Variants in PLD1 observed in about 807,000 individuals in gnomAD.
PLD1 encodes the protein phospholipase D1, also known as choline phosphatase 1.
A neutral mutation model predicts 137.1 loss-of-function variants in PLD1; 112 were observed. That is an observed-to-expected ratio of 0.82 (90% CI 0.70 to 0.96). The LOEUF is 0.96. PLD1 is among the 40% of genes least tolerant of loss of function. PLD1 has a pLI of 0.00. For missense variants in PLD1, 1,321 were observed against 1,342.0 expected, an observed-to-expected ratio of 0.98 and a Z score of 0.24; for synonymous variants, 431 against 454.7, an observed-to-expected ratio of 0.95 and a Z score of 0.66.
intron 12 of PLD1, 146 bp downstream of exon 12, chr3:171,699,599 A>C: frequency 1.5e-6 from 1 of 654,486 alleles, no homozygotes; most frequent in South Asian, 2.0e-5. Flanking sequence ...AATAGAACCA[A>C]ATGAACTGGA....
Position 171,737,587 on chromosome 3 carries a change from C to T in PLD1, c.233G>A (p.Gly78Asp), listed in dbSNP as rs771939485. The stretch of plus-strand genomic sequence containing the variant: ...CAGAACTTGTGCTTTTATTGGACAG[C>T]CGGAGAGATACGTCTGTATATTAGG... ...KEPNIQTYLSGCPIKAQVLEV... is the reference protein window; with the variant it reads ...KEPNIQTYLSDCPIKAQVLEV... Residue 78 changes from glycine to aspartate, a missense_variant, in exon 3 of 27, where the codon GGC becomes GAC. Physicochemically the swap from Gly to Asp is moderately conservative, Grantham distance 94. Transcript: ENST00000351298. The T allele has an allele frequency of 6.2e-7, 1 of 1,611,408 alleles. No homozygotes were observed. The highest frequency in any genetic ancestry group is 1.1e-5 in the South Asian group (1 of 90,888).
chr3:171,709,388 G>A (rs1716962136), intron 10 of PLD1, among the ~76,000 whole-genome samples, 172 bp downstream of exon 10: 1 of 152,112 alleles, frequency 6.6e-6, no homozygotes, highest in Non-Finnish European at 1.5e-5. Context: ...AGCAACAATT[G>A]AAAAACTAAT....
chr3:171,689,779 T>C (rs4894492), intron 13 of PLD1, among the ~76,000 whole-genome samples: 76,257 of 151,864 alleles, frequency 0.5, 20,097 homozygotes, highest in African/African-American at 0.66. Flanking sequence ...TGGGACTACA[T>C]GCATGAGCCA....
chr3:171,734,676 G>A (rs1282888045), intron 5 of PLD1, among the ~76,000 whole-genome samples, 189 bp downstream of exon 5: 1 of 152,164 alleles, frequency 6.6e-6, no homozygotes, highest in Non-Finnish European at 1.5e-5. Flanking sequence ...CCTCTTCTGA[G>A]AAAATGCACT....
chr3:171,650,165 T>C (rs1736603356), intron 21 of PLD1, among the ~76,000 whole-genome samples: 2 of 152,076 alleles, frequency 1.3e-5, no homozygotes, highest in Admixed American at 6.5e-5. Context: ...TTCTCTAAGC[T>C]GAGGCAGGAG....
At chr3:171,699,707 T>TA (rs746572937) in intron 12 of PLD1, 38 bp downstream of exon 12, 3 of 1,432,002 alleles carry the variant, frequency 2.1e-6, no homozygotes, top group Non-Finnish European at 2.9e-6. Context: ...AACAGACAGT[T>TA]AAAAAATTAT....
intron 6 of PLD1, among the ~76,000 whole-genome samples, chr3:171,729,579 G>A (rs942048135): frequency 6.6e-6 from 1 of 152,138 alleles, no homozygotes; most frequent in African/African-American, 2.4e-5. Context: ...ATACAAGGAA[G>A]GTAAGAGCAT....
rs542846065 is a variant in PLD1 at position 171,801,204 on chromosome 3, G to A, written c.-32+9195C>T. Among the ~76,000 whole-genome samples the A allele has an allele frequency of 2.0e-5, 3 of 152,320 alleles. No homozygotes were observed. The East Asian group carries it at 5.8e-4, about 29-fold the overall frequency. ...GACTCACTAGCCTAGGCCTAGTACT[G>A]TGTTAGCACCAAAAAGACTCTGTGC... On this transcript the variant is annotated intron_variant, in intron 1 of 26. Coordinates refer to ENST00000351298, the MANE Select transcript of PLD1 (RefSeq NM_002662.5).
intron 1 of PLD1, among the ~76,000 whole-genome samples, chr3:171,779,354 T>C (rs959793371): frequency 6.6e-6 from 1 of 152,076 alleles, no homozygotes; most frequent in Non-Finnish European, 1.5e-5. Context: ...TGGGTCGTGA[T>C]GCAGAGTGTA....
chr3:171,631,470 A>G (rs574847265), intron 23 of PLD1, among the ~76,000 whole-genome samples: 3 of 152,312 alleles, frequency 2.0e-5, no homozygotes, highest in East Asian at 3.9e-4. Flanking sequence ...TGTGTGTACA[A>G]AGGCCCAAAG....
intron 2 of PLD1, 38 bp from the exon 3 acceptor site, chr3:171,737,697 A>G (rs1429095060): frequency 7.0e-6 from 10 of 1,424,030 alleles, no homozygotes; most frequent in Non-Finnish European, 9.7e-6. Flanking sequence ...GCAATATATG[A>G]TTAGCATAAC....
At chr3:171,783,087 T>C (rs1722854658) in intron 1 of PLD1, among the ~76,000 whole-genome samples, 1 of 152,014 alleles carries the variant, frequency 6.6e-6, no homozygotes, top group Admixed American at 6.6e-5. Context: ...GTAAGATCCA[T>C]GGCTGAAAGA....
At chr3:171,620,738 CTCTCTATATATATATA>C (rs1291539009) in intron 23 of PLD1, among the ~76,000 whole-genome samples, 49 of 77,074 alleles carry the variant, frequency 6.4e-4, no homozygotes, top group Middle Eastern at 6.4e-3. Context: ...CTCTCTCTCT[CTCTCTATATATATATA>C]TATATATATA....
chr3:171,783,409 A>G (rs979572671), intron 1 of PLD1, among the ~76,000 whole-genome samples: 3 of 152,022 alleles, frequency 2.0e-5, no homozygotes, highest in African/African-American at 7.3e-5. Context: ...ACAACAGTGG[A>G]CCAAGCAGAT....
chr3:171,605,247 T>C, intron 26 of PLD1, 52 bp downstream of exon 26: 3 of 1,003,604 alleles, frequency 3.0e-6, no homozygotes, highest in Non-Finnish European at 4.8e-6. Context: ...ATATGCTTTT[T>C]GTGATGAGAT....
intron 25 of PLD1, among the ~76,000 whole-genome samples, chr3:171,608,215 T>G (rs1349990547): frequency 6.6e-6 from 1 of 152,186 alleles, no homozygotes; most frequent in African/African-American, 2.4e-5. Context: ...TTATTTACTG[T>G]AGAATAATCT....
At chr3:171,622,705 C>T (rs1454012697) in intron 23 of PLD1, among the ~76,000 whole-genome samples, 2 of 150,388 alleles carry the variant, frequency 1.3e-5, no homozygotes. Flanking sequence ...TTAATATTGC[C>T]TTGGAAGTAT....
chr3:171,735,048 C>T lies in PLD1; in HGVS notation c.435-78G>A, dbSNP rs78834595. 925 of 788,960 alleles carry T rather than the reference C, an allele frequency of 1.2e-3. 4 individuals are homozygous for T. The African/African-American group carries it at 0.013, about 11-fold the overall frequency. 48.9% of individuals were successfully genotyped at this position (788,960 alleles called of 1,614,324 possible). A position where few individuals can be genotyped will look rare whatever the true frequency, so the allele number is the denominator to read the frequency against. On this transcript the variant is annotated intron_variant, in intron 4 of 26. Transcript: ENST00000351298. ...TGACTTTAGTATGTCTTTCATGAGA[C>T]GGCATATTTTTAAGAGACTATTTAA...
chr3:171,752,392 A>G (rs907534211), intron 1 of PLD1, among the ~76,000 whole-genome samples: 8 of 152,256 alleles, frequency 5.3e-5, no homozygotes, highest in African/African-American at 1.4e-4. Context: ...TGTGGTCTCT[A>G]TCATACAAAT....
Sources: allele counts gnomAD v4.1 joint callset (sites outside exome capture counted in the v4.1 genomes callset), GRCh38; gene constraint gnomAD v4.1.1; transcripts MANE v1.5; gene names NCBI Gene and HGNC (gene_info 2026-07-23, HGNC 2026-07-21).